KAZN: variants seen among roughly 807,000 people sequenced by gnomAD.
KAZN encodes kazrin, periplakin interacting protein, also known as kazrin.
Under a neutral mutation model 87.4 loss-of-function variants are expected in KAZN, and 40 were observed. The ratio of observed to expected loss-of-function variants is 0.46; its 90% CI spans 0.36 to 0.60. The LOEUF is 0.60. Ranked by LOEUF, KAZN falls within the 20% of genes least tolerant of loss-of-function variation. The pLI, the probability that KAZN is intolerant of heterozygous loss-of-function variation, is 0.00. For missense variants in KAZN, 898 were observed against 1,073.9 expected (o/e 0.84, Z 2.29); for synonymous variants, 466 against 458.3 (o/e 1.02, Z -0.22).
chr1:14,587,359 C>T (rs1381060995), intron 2 of KAZN, among the ~76,000 whole-genome samples: 1 of 151,568 alleles, frequency 6.6e-6, no homozygotes, highest in Non-Finnish European at 1.5e-5. Context: ...TTGCTTTAAC[C>T]CGGGAGGCAG....
Position 14,511,836 on chromosome 1 carries a change from G to A in KAZN, c.250-87147G>A, listed in dbSNP as rs139672551. On this transcript the variant is annotated intron_variant, in intron 2 of 16. Transcript: ENST00000636203. Reference sequence around the variant, plus strand: ...ATCATGTACTAAAAAGCCAGACTGGGAAGAAGAATTCAGAATGTTCTGGGT... The same window carrying A: ...ATCATGTACTAAAAAGCCAGACTGGAAAGAAGAATTCAGAATGTTCTGGGT... 4.8e-4 allele frequency among the ~76,000 whole-genome samples: 73 copies of A among 152,272 alleles called. 1 individual carries two copies. Among genetic ancestry groups the A allele is most frequent in the African/African-American group, 1.7e-3 (72 of 41,552 alleles).
intron 1 of KAZN, among the ~76,000 whole-genome samples, chr1:14,610,980 G>A (rs1677773016): frequency 1.3e-5 from 2 of 152,308 alleles, no homozygotes; most frequent in Admixed American, 1.3e-4. Flanking sequence ...TTTCGCTGTG[G>A]CTGTAACTGC....
intron 1 of KAZN, among the ~76,000 whole-genome samples, chr1:14,713,187 G>T (rs971302093): frequency 1.3e-5 from 2 of 152,136 alleles, no homozygotes; most frequent in Non-Finnish European, 2.9e-5. Flanking sequence ...GCTAGCACAG[G>T]CTTGTTTTCA....
At chr1:14,942,210 T>C (rs1338022391) in intron 1 of KAZN, among the ~76,000 whole-genome samples, 1 of 152,190 alleles carries the variant, frequency 6.6e-6, no homozygotes, top group Non-Finnish European at 1.5e-5. Context: ...GCCAGCCCTG[T>C]ACGCCCAGGG....
At chr1:14,815,200 G>C (rs2100801575) in intron 1 of KAZN, among the ~76,000 whole-genome samples, 1 of 152,280 alleles carries the variant, frequency 6.6e-6, no homozygotes. Context: ...GGGATCACAG[G>C]ATAGAGGGAA....
chr1:14,803,107 A>G (rs995617726), intron 1 of KAZN, among the ~76,000 whole-genome samples: 1 of 152,232 alleles, frequency 6.6e-6, no homozygotes, highest in African/African-American at 2.4e-5. Context: ...CTAATACTAC[A>G]TCATGGCTAC....
At chr1:14,668,453 G>T (rs985763710) in intron 1 of KAZN, among the ~76,000 whole-genome samples, 1 of 152,052 alleles carries the variant, frequency 6.6e-6, no homozygotes, top group Non-Finnish European at 1.5e-5. Context: ...ACCTCAGAAG[G>T]TCTCCTCACC....
intron 1 of KAZN, among the ~76,000 whole-genome samples, chr1:14,171,969 T>A (rs954017151): frequency 2.1e-5 from 3 of 143,298 alleles, no homozygotes; most frequent in Non-Finnish European, 4.5e-5. Context: ...GCGTGTCATT[T>A]TTTTCCTCTG....
At chr1:14,247,638 A>C (rs775890157) in intron 2 of KAZN, among the ~76,000 whole-genome samples, 1 of 152,174 alleles carries the variant, frequency 6.6e-6, no homozygotes, top group Non-Finnish European at 1.5e-5. Flanking sequence ...ACATTTTAGG[A>C]AGTGCTTCGT....
At chr1:15,080,626 G>A (rs764648925) in intron 8 of KAZN, among the ~76,000 whole-genome samples, 6 of 152,232 alleles carry the variant, frequency 3.9e-5, no homozygotes, top group Non-Finnish European at 8.8e-5. Flanking sequence ...CAACAGGGCA[G>A]CCATGATCGG....
intron 1 of KAZN, among the ~76,000 whole-genome samples, chr1:14,795,385 T>G (rs1645800031): frequency 6.6e-6 from 1 of 152,062 alleles, no homozygotes; most frequent in Non-Finnish European, 1.5e-5. Flanking sequence ...TACGCCTAGA[T>G]GTAATCTCTT....
At chr1:14,335,990 G>T (rs1283249460) in intron 2 of KAZN, among the ~76,000 whole-genome samples, 2 of 152,236 alleles carry the variant, frequency 1.3e-5, no homozygotes, top group East Asian at 3.9e-4. Flanking sequence ...AGAGACACTG[G>T]GGTGTCCCTC....
At chr1:14,828,084 AC>A (rs1480008647) in intron 1 of KAZN, among the ~76,000 whole-genome samples, 1 of 152,218 alleles carries the variant, frequency 6.6e-6, no homozygotes, top group Non-Finnish European at 1.5e-5. Flanking sequence ...GCAGACATAC[AC>A]AATCAATCAC....
chr1:14,139,955 G>A (rs1490324168), intron 1 of KAZN, among the ~76,000 whole-genome samples: 49 of 68,734 alleles, frequency 7.1e-4, no homozygotes, highest in African/African-American at 2.7e-3. Flanking sequence ...GTGTGTGTGT[G>A]TGTGTGTGTG....
chr1:14,398,284 TA>T (rs1663070659), intron 2 of KAZN, among the ~76,000 whole-genome samples: 1 of 152,240 alleles, frequency 6.6e-6, no homozygotes, highest in Non-Finnish European at 1.5e-5. Context: ...ATATAGTGAT[TA>T]AAAGTGTGGA....
chr1:14,770,220 T>C (rs1264796975), intron 1 of KAZN, among the ~76,000 whole-genome samples: 3 of 152,198 alleles, frequency 2.0e-5, no homozygotes, highest in Non-Finnish European at 2.9e-5. Context: ...GCATGGTGCC[T>C]GATGATTTGC....
rs113623623 is a variant in KAZN, at chr1:14,756,887, C to CT, written c.226+157668dup. Among the ~76,000 whole-genome samples the CT allele has an allele frequency of 2.5e-3, 383 of 152,308 alleles. 2 individuals carry two copies. Among genetic ancestry groups the CT allele is most frequent in the African/African-American group, 8.6e-3 (358 of 41,576 alleles). ...AGAAAAAAAAGCAACAGAACAAAAC[C>CT]TTTTGTATTTCTGCCAGCAGAAGGT... On this transcript the variant is annotated intron_variant, in intron 1 of 14. Coordinates refer to ENST00000376030, the MANE Select transcript of KAZN (RefSeq NM_201628.3).
rs554118148 is a variant in KAZN at position 14,656,998 on chromosome 1, C to G, written c.226+57775C>G. ...AGAATGATTCTGGCCACTACACAGTCAGGCCACCAACCTAGGGCTGTCTTC... is the reference window on the plus strand; with the variant it reads ...AGAATGATTCTGGCCACTACACAGTGAGGCCACCAACCTAGGGCTGTCTTC... On this transcript the variant is annotated intron_variant, in intron 1 of 14. Coordinates refer to ENST00000376030, the MANE Select transcript of KAZN (RefSeq NM_201628.3). Among the ~76,000 whole-genome samples the G allele has an allele frequency of 2.6e-5, 4 of 151,936 alleles. No homozygotes were observed. The South Asian group carries it at 8.3e-4, about 32-fold the overall frequency.
rs544573877 is a variant in KAZN, at chr1:15,116,861, C to G, written c.*2226C>G. 1 of 152,346 alleles carries G rather than the reference C, an allele frequency of 6.6e-6. No individual in the cohort carries two copies. Among genetic ancestry groups the G allele is most frequent in the African/African-American group, 2.4e-5 (1 of 41,582 alleles). 9.4% of individuals were successfully genotyped at this position (152,346 alleles called of 1,614,324 possible). A position where few individuals can be genotyped will look rare whatever the true frequency, so the allele number is the denominator to read the frequency against. On this transcript the variant is annotated 3_prime_UTR_variant, in exon 15 of 15. Transcript: ENST00000376030. ...GAGACAAGTGGACAATTGGGGGTCA[C>G]TGGCAGAGACAGTATTGCCCAAAAT...
Sources: allele counts gnomAD v4.1 joint callset (sites outside exome capture counted in the v4.1 genomes callset), GRCh38; gene constraint gnomAD v4.1.1; transcripts MANE v1.5; gene names NCBI Gene and HGNC (gene_info 2026-07-23, HGNC 2026-07-21).